Variants in CCSER2 observed in about 807,000 individuals in gnomAD.
The protein encoded by CCSER2 is serine-rich coiled-coil domain-containing protein 2.
CCSER2 carries 46 observed loss-of-function variants against 92.3 expected under a neutral mutation model. That is an observed-to-expected ratio of 0.50 (90% confidence interval 0.39 to 0.64). The LOEUF (loss-of-function observed/expected upper bound fraction) is 0.64. Among genes scored for constraint, CCSER2 ranks in the 30% least tolerant of loss-of-function variants. The probability of loss-of-function intolerance (pLI) is 0.00; values close to 1 mark genes in which losing one functional copy is unlikely to be tolerated. For synonymous variants in CCSER2, 433 were observed against 431.4 expected, an observed-to-expected ratio of 1.00 and a Z score of -0.04; for missense variants, 1,244 against 1,238.9, an observed-to-expected ratio of 1.00 and a Z score of -0.06.
chr10:84,446,601 T>A (rs931115571), intron 6 of CCSER2, among the ~76,000 whole-genome samples: 4 of 149,500 alleles, frequency 2.7e-5, no homozygotes, highest in Admixed American at 6.9e-5. Context: ...AAAAAAGGAG[T>A]TTATGAAATA....
chr10:84,426,718 A>G (rs1177750010), intron 5 of CCSER2, among the ~76,000 whole-genome samples: 1 of 152,224 alleles, frequency 6.6e-6, no homozygotes, highest in South Asian at 2.1e-4. Context: ...AATGGAAGAA[A>G]AACATGGTGT....
At chr10:84,329,195 A>G (rs992353591) in intron 1 of CCSER2, among the ~76,000 whole-genome samples, 1 of 152,086 alleles carries the variant, frequency 6.6e-6, no homozygotes, top group Non-Finnish European at 1.5e-5. Flanking sequence ...TTTTCTTTCA[A>G]TTACTGGGCT....
intron 6 of CCSER2, 86 bp downstream of exon 6, chr10:84,438,793 G>T: frequency 1.3e-6 from 1 of 781,478 alleles, no homozygotes; most frequent in South Asian, 2.1e-5. Flanking sequence ...AATACTTACT[G>T]GGTTTCTCAT....
intron 4 of CCSER2, among the ~76,000 whole-genome samples, chr10:84,419,856 CAGAA>C (rs1026077876): frequency 5.3e-5 from 8 of 152,146 alleles, no homozygotes; most frequent in South Asian, 2.1e-4. Flanking sequence ...CAGTAAATGA[CAGAA>C]AGCATCACTG....
intron 3 of CCSER2, among the ~76,000 whole-genome samples, chr10:84,399,081 A>G (rs189010081): frequency 5.8e-4 from 89 of 152,222 alleles, no homozygotes; most frequent in Non-Finnish European, 1.1e-3. Flanking sequence ...CAGATTTTTC[A>G]CATGTGTATA....
rs1034064302 is a variant in CCSER2, at chr10:84,417,790, A to G, written c.1634A>G (p.Glu545Gly). 6.4e-7 allele frequency: 1 copy of G among 1,572,840 alleles called. No homozygotes were observed. The highest frequency in any genetic ancestry group is 2.2e-5 in the East Asian group (1 of 44,638). ...TCACAGGATATTTTGAATAATCTTGAATCATGTGACCTTGAGGATGATGAT... is the reference window on the plus strand; with the variant it reads ...TCACAGGATATTTTGAATAATCTTGGATCATGTGACCTTGAGGATGATGAT... ...MNSIDILNNL[E>G]SCDLEDDDLM... Residue 545 changes from glutamate to glycine, a missense_variant, in exon 4 of 10, where the codon GAA becomes GGA. Physicochemically the swap from Glu to Gly is moderately conservative, Grantham distance 98 (BLOSUM62 -2). Transcript: ENST00000372088.
chr10:84,416,320 G>T (rs759870807), intron 3 of CCSER2, among the ~76,000 whole-genome samples: 1 of 152,128 alleles, frequency 6.6e-6, no homozygotes, highest in Non-Finnish European at 1.5e-5. Context: ...TGAAGGTGCT[G>T]AGTTCACTCA....
At chr10:84,512,395 T>TGTGA (rs1554872145) in intron 9 of CCSER2, among the ~76,000 whole-genome samples, 14 of 129,814 alleles carry the variant, frequency 1.1e-4, no homozygotes, top group African/African-American at 3.1e-4. Context: ...TGTGTGTGTG[T>TGTGA]GAGAGAGAGA....
intron 3 of CCSER2, among the ~76,000 whole-genome samples, chr10:84,375,853 GTTTC>G (rs1455587256): frequency 2.1e-5 from 3 of 140,676 alleles, no homozygotes; most frequent in Admixed American, 7.0e-5. Context: ...TTTTTTTTCT[GTTTC>G]TTTTTCTTTT....
At chr10:84,476,318 G>C (rs1847132950) in intron 8 of CCSER2, among the ~76,000 whole-genome samples, 1 of 151,626 alleles carries the variant, frequency 6.6e-6, no homozygotes, top group Non-Finnish European at 1.5e-5. Context: ...ATTTTAACCT[G>C]ATGGAATAAT....
At chr10:84,430,201 C>T (rs1843687975) in intron 5 of CCSER2, among the ~76,000 whole-genome samples, 1 of 152,124 alleles carries the variant, frequency 6.6e-6, no homozygotes, top group Non-Finnish European at 1.5e-5. Flanking sequence ...GTTTGCAGCT[C>T]TGCCTTGGCC....
intron 6 of CCSER2, among the ~76,000 whole-genome samples, chr10:84,451,416 GACT>G (rs1845284173): frequency 6.6e-6 from 1 of 152,040 alleles, no homozygotes; most frequent in Admixed American, 6.6e-5. Flanking sequence ...AAGTAGCTGG[GACT>G]ACAGGCACGT....
chr10:84,440,578 C>T (rs1461736027), intron 6 of CCSER2, among the ~76,000 whole-genome samples: 11 of 152,216 alleles, frequency 7.2e-5, no homozygotes. Context: ...TCCAAAGCTT[C>T]TCTAGAGCTG....
chr10:84,380,221 C>T (rs1216317444), intron 3 of CCSER2, among the ~76,000 whole-genome samples: 1 of 151,354 alleles, frequency 6.6e-6, no homozygotes. Context: ...TTTTAATTTA[C>T]ATTTATACTA....
intron 3 of CCSER2, among the ~76,000 whole-genome samples, chr10:84,410,347 A>T (rs958565464): frequency 1.3e-5 from 2 of 152,178 alleles, no homozygotes. Context: ...CACACCATCT[A>T]TCACAATGGT....
At chr10:84,399,415 C>A (rs1182017692) in intron 3 of CCSER2, among the ~76,000 whole-genome samples, 1 of 152,096 alleles carries the variant, frequency 6.6e-6, no homozygotes, top group South Asian at 2.1e-4. Flanking sequence ...ATTTCCCACA[C>A]TTCCAGAAAC....
At chr10:84,391,282 A>G in intron 3 of CCSER2, 1 of 1,462,124 alleles carries the variant, frequency 6.8e-7, no homozygotes, top group Non-Finnish European at 9.6e-7. Context: ...ATGAAGCTCC[A>G]GATAAAGATT....
At chr10:84,399,977 C>T (rs938772799) in intron 3 of CCSER2, among the ~76,000 whole-genome samples, 12 of 151,738 alleles carry the variant, frequency 7.9e-5, no homozygotes, top group Non-Finnish European at 1.3e-4. Context: ...GGTTTTGATT[C>T]GCTTAGTCTC....
chr10:84,379,701 T>C (rs1005353232), intron 3 of CCSER2, among the ~76,000 whole-genome samples: 7 of 152,190 alleles, frequency 4.6e-5, no homozygotes, highest in African/African-American at 1.7e-4. Context: ...CCATGAACAA[T>C]ATACAGTATG....
Sources: gnomAD v4.1 joint callset for allele counts (sites outside exome capture counted in the v4.1 genomes callset) on GRCh38, gnomAD v4.1.1 for gene constraint, MANE v1.5 for transcripts, NCBI Gene and HGNC (gene_info 2026-07-23, HGNC 2026-07-21) for gene names.